Variants in HLF observed in about 807,000 individuals in gnomAD.
HLF encodes hepatic leukemia factor.
A neutral mutation model predicts 22.6 loss-of-function variants in HLF; 3 were observed. That is an observed-to-expected ratio of 0.13 (90% confidence interval 0.06 to 0.34). HLF has a LOEUF of 0.34. Among genes scored for constraint, HLF ranks in the 10% least tolerant of loss-of-function variants. HLF has a pLI of 1.00. For synonymous variants in HLF, 151 were observed against 151.8 expected, an observed-to-expected ratio of 0.99 and a Z score of 0.04; for missense variants, 299 against 389.2, an observed-to-expected ratio of 0.77 and a Z score of 1.95.
At chr17:55,287,350 CAT>C (rs1315226585) in intron 2 of HLF, among the ~76,000 whole-genome samples, 1 of 152,108 alleles carries the variant, frequency 6.6e-6, no homozygotes, top group Non-Finnish European at 1.5e-5. Context: ...GATTGAGAGT[CAT>C]CTACAGCCAG....
At position 55,315,247 on chromosome 17, in the gene HLF, C is replaced by G; in HGVS notation, c.472C>G (p.Arg158Gly). ...TCCAGGTCAGCTGTTGCCAGCAAAC[C>G]GCAATACACCAAGTCCCATTGATCC... is the stretch of plus-strand genomic sequence containing the variant. ...IRPGQLLPAN[R>G]NTPSPIDPDT... Residue 158 changes from arginine (R) to glycine (G), a missense_variant, in exon 3 of 4, where the codon CGC becomes GGC. Arg to Gly is a moderately radical substitution (Grantham distance 125). This residue lies in a region of HLF where 224 missense variants were observed against 298.1 expected (regional missense o/e 0.75). Coordinates refer to ENST00000226067, the MANE Select transcript of HLF (RefSeq NM_002126.5). 1.2e-6 allele frequency: 2 copies of G among 1,614,084 alleles called. No homozygotes were observed. The highest frequency in any genetic ancestry group is 1.7e-6 in the Non-Finnish European group (2 of 1,179,976).
At chr17:55,294,259 G>A (rs983414037) in intron 2 of HLF, among the ~76,000 whole-genome samples, 20 of 152,196 alleles carry the variant, frequency 1.3e-4, no homozygotes, top group African/African-American at 4.8e-4. Context: ...ACAGGGAGAC[G>A]CATATGGTCA....
At chr17:55,281,798 C>T (rs2145316036) in intron 2 of HLF, among the ~76,000 whole-genome samples, 1 of 152,238 alleles carries the variant, frequency 6.6e-6, no homozygotes, top group Non-Finnish European at 1.5e-5. Flanking sequence ...TCCATCAGCC[C>T]TTCCATTCTG....
chr17:55,306,768 C>G (rs1027793334), intron 2 of HLF, among the ~76,000 whole-genome samples: 2 of 152,040 alleles, frequency 1.3e-5, no homozygotes, highest in Non-Finnish European at 2.9e-5. Flanking sequence ...CTCCCCCTCC[C>G]TTTTGATGCC....
In HLF at chr17:55,320,944, C is replaced by A; in HGVS notation, c.*65C>A. ...GTTTGTTTCCTGTCTGATAGCACCACACGCAAACCAACCTTTCTGACATCA... is the reference window on the plus strand; with the variant it reads ...GTTTGTTTCCTGTCTGATAGCACCAAACGCAAACCAACCTTTCTGACATCA... On this transcript the variant is annotated 3_prime_UTR_variant, in exon 4 of 4. Transcript: ENST00000226067. This position sits in a 1 kb window ranked among gnomAD's most constrained non-coding sequence, Gnocchi z 4.2. 6.3e-6 allele frequency: 8 copies of A among 1,278,828 alleles called. No homozygotes were observed. Among genetic ancestry groups the A allele is most frequent in the Non-Finnish European group, 8.8e-6 (8 of 905,238 alleles). The allele number at this position is 1,278,828 out of a possible 1,614,324, so 79.2% of individuals were successfully genotyped here. A position where few individuals can be genotyped will look rare whatever the true frequency, so the allele number is the denominator to read the frequency against.
chr17:55,265,928 G>C, intron 1 of HLF: 1 of 970,978 alleles, frequency 1.0e-6, no homozygotes, highest in Non-Finnish European at 1.3e-6. Flanking sequence ...CGCACGCAGA[G>C]CGAGCCCGCC....
intron 2 of HLF, among the ~76,000 whole-genome samples, chr17:55,277,822 G>T (rs1265000927): frequency 1.3e-5 from 2 of 152,214 alleles, no homozygotes; most frequent in Non-Finnish European, 2.9e-5. Flanking sequence ...AATTACAGGA[G>T]TGTTGGCAGA....
intron 3 of HLF, among the ~76,000 whole-genome samples, chr17:55,316,507 C>T (rs1451318946): frequency 6.6e-6 from 1 of 152,222 alleles, no homozygotes; most frequent in Non-Finnish European, 1.5e-5. Flanking sequence ...TCACTGCTGT[C>T]ATCCACATTC....
rs896310108 is a variant in HLF at position 55,320,249 on chromosome 17, C to T, written c.673-415C>T. On this transcript the variant is annotated intron_variant, in intron 3 of 3. Transcript: ENST00000226067. The surrounding 1 kb of genome is among the most constrained non-coding windows in gnomAD (Gnocchi z 4.2). ...TAGTTGATAGATATTGCCAAATTGC[C>T]TTCTAAAATTTTTGTACCAACTCAT... is the stretch of plus-strand genomic sequence containing the variant. Among the ~76,000 whole-genome samples, 2 of 152,176 alleles carry T rather than the reference C, an allele frequency of 1.3e-5. No homozygotes were observed. The highest frequency in any genetic ancestry group is 2.4e-5 in the African/African-American group (1 of 41,444).
chr17:55,316,741 G>A (rs548746073), intron 3 of HLF, among the ~76,000 whole-genome samples: 11 of 152,208 alleles, frequency 7.2e-5, no homozygotes, highest in African/African-American at 2.2e-4. Context: ...GGGCTATAAC[G>A]GGGGCCCATG....
In HLF at chr17:55,322,574, G is replaced by A. The variant is rs1905298183; in HGVS notation, c.*1695G>A. 4.6e-6 allele frequency: 1 copy of A among 216,992 alleles called. No individual in the cohort carries two copies. Among genetic ancestry groups the A allele is most frequent in the South Asian group, 1.9e-4 (1 of 5,386 alleles). 13.4% of individuals were successfully genotyped at this position (216,992 alleles called of 1,614,324 possible). On this transcript the variant is annotated 3_prime_UTR_variant, in exon 4 of 4. Coordinates refer to ENST00000226067, the MANE Select transcript of HLF (RefSeq NM_002126.5). ...AAATTTTATGACAGTATCGAGGCTT[G>A]TGATGACGAATCCTGCTCTAAAATA... is the stretch of plus-strand genomic sequence containing the variant.
At chr17:55,270,709 G>A (rs975064506) in intron 2 of HLF, among the ~76,000 whole-genome samples, 6 of 147,494 alleles carry the variant, frequency 4.1e-5, no homozygotes, top group South Asian at 2.2e-4. Context: ...CGCCCAGGCT[G>A]GAGTGCAGTG....
chr17:55,321,395 C>A lies in HLF; in HGVS notation c.*516C>A, dbSNP rs932988725. 2 of 233,994 alleles carry A rather than the reference C, an allele frequency of 8.5e-6. No homozygotes were observed. Among genetic ancestry groups the A allele is most frequent in the East Asian group, 1.2e-4 (2 of 16,500 alleles). The allele number at this position is 233,994 out of a possible 1,614,324, so 14.5% of individuals were successfully genotyped here. A position where few individuals can be genotyped will look rare whatever the true frequency, so the allele number is the denominator to read the frequency against. On this transcript the variant is annotated 3_prime_UTR_variant, in exon 4 of 4. Transcript: ENST00000226067. ...GTGCACACAATAACTTAGCACTACT[C>A]CGCAGCTCTAGTCCTTTATAAGTTG...
intron 2 of HLF, among the ~76,000 whole-genome samples, chr17:55,281,403 C>T (rs757790096): frequency 6.6e-6 from 1 of 152,142 alleles, no homozygotes; most frequent in African/African-American, 2.4e-5. Flanking sequence ...ATCCCAGATA[C>T]TCAGGAGGCT....
intron 2 of HLF, among the ~76,000 whole-genome samples, chr17:55,294,524 A>G (rs532566907): frequency 1.3e-5 from 2 of 152,198 alleles, no homozygotes; most frequent in Non-Finnish European, 2.9e-5. Flanking sequence ...GCATGTAGCT[A>G]GCACTTGGTA....
intron 2 of HLF, among the ~76,000 whole-genome samples, chr17:55,303,959 T>G (rs1298868758): frequency 1.3e-5 from 2 of 152,150 alleles, no homozygotes; most frequent in East Asian, 3.9e-4. Context: ...TTTTCTTATC[T>G]GCCATCCTGT....
intron 2 of HLF, among the ~76,000 whole-genome samples, chr17:55,286,173 C>T (rs1179806999): frequency 3.3e-5 from 5 of 152,214 alleles, no homozygotes; most frequent in African/African-American, 7.2e-5. Context: ...TGGTCCAAGG[C>T]CAGCCATGGA....
At chr17:55,288,808 C>T in intron 2 of HLF, 1 of 405,266 alleles carries the variant, frequency 2.5e-6, no homozygotes, top group Non-Finnish European at 3.3e-6. Flanking sequence ...AGAGTGTTTT[C>T]AGAGAAGAGG....
chr17:55,289,126 T>C (rs2081035017), intron 2 of HLF: 1 of 166,924 alleles, frequency 6.0e-6, no homozygotes, highest in South Asian at 2.0e-4. Context: ...TGTCAGGGTA[T>C]AGCTTCTTTG....
Sources: allele counts gnomAD v4.1 joint callset (sites outside exome capture counted in the v4.1 genomes callset), GRCh38; gene constraint gnomAD v4.1.1; regional missense constraint gnomAD v4.1.1; non-coding constraint Gnocchi (gnomAD v3.1); transcripts MANE v1.5; gene names NCBI Gene and HGNC (gene_info 2026-07-23, HGNC 2026-07-21).